Variants in STK3 observed in about 807,000 individuals in gnomAD.
STK3 encodes the protein serine/threonine kinase 3.
In STK3, 41 loss-of-function variants were observed where a neutral mutation model predicts 58.0. The ratio of observed to expected loss-of-function variants is 0.71; its 90% CI spans 0.55 to 0.92. The LOEUF (loss-of-function observed/expected upper bound fraction) is 0.92, where lower values mean the gene tolerates loss of function less well. Ranked by LOEUF, STK3 falls within the 40% of genes least tolerant of loss-of-function variation. The pLI is 0.00. For missense variants in STK3, 479 were observed against 602.7 expected (o/e 0.79, Z 2.15); for synonymous variants, 170 against 191.0 (o/e 0.89, Z 0.91).
chr8:98,389,598 C>G (rs746573704), upstream of STK3, among the ~76,000 whole-genome samples: 38 of 152,038 alleles, frequency 2.5e-4, no homozygotes, highest in Non-Finnish European at 3.5e-4. Flanking sequence ...GGGTGCAGGA[C>G]TGGCTGTCAT....
At chr8:98,933,454 A>T (rs1057303476) in intron 1 of STK3, among the ~76,000 whole-genome samples, 5 of 152,238 alleles carry the variant, frequency 3.3e-5, no homozygotes, top group African/African-American at 1.2e-4. Context: ...TATTTTAAAA[A>T]TTGTTTGGAC....
In STK3 at chr8:98,427,986, G is replaced by C. The variant is rs766499929; in HGVS notation, n.483+6141C>G. The C allele has an allele frequency of 1.8e-5, 28 of 1,540,842 alleles. No homozygotes were observed. The highest frequency in any genetic ancestry group is 5.9e-5 in the Admixed American group (3 of 50,656). On this transcript the variant is annotated intron_variant and non_coding_transcript_variant, in intron 3 of 3. Transcript: ENST00000517832. ...GGCGGCCGGCGCCTCCAGCATGACC[G>C]GCCAGAGCCTGTGGGACGTGTCGGA...
intron 7 of STK3, among the ~76,000 whole-genome samples, chr8:98,590,402 C>A (rs1815191800): frequency 6.6e-6 from 1 of 152,154 alleles, no homozygotes; most frequent in Non-Finnish European, 1.5e-5. Flanking sequence ...TGTCAGTCTT[C>A]AGCCGCTAAG....
intron 10 of STK3, among the ~76,000 whole-genome samples, chr8:98,523,438 G>T (rs891948740): frequency 1.3e-5 from 2 of 148,360 alleles, no homozygotes; most frequent in Non-Finnish European, 3.0e-5. Context: ...GCAATGGCAC[G>T]ATCTCGGCTC....
chr8:98,726,548 T>C (rs1029011635), intron 4 of STK3, among the ~76,000 whole-genome samples: 13 of 152,162 alleles, frequency 8.5e-5, no homozygotes, highest in African/African-American at 2.9e-4. Context: ...TCATACTCAC[T>C]CCATGGGACA....
chr8:98,452,319 T>C (rs1443572523), downstream of STK3, among the ~76,000 whole-genome samples: 1 of 152,238 alleles, frequency 6.6e-6, no homozygotes, highest in Non-Finnish European at 1.5e-5. Flanking sequence ...GTCTGACATA[T>C]AGTAAGTGCC....
chr8:98,624,959 A>C (rs1209099659), intron 6 of STK3, among the ~76,000 whole-genome samples: 2 of 152,214 alleles, frequency 1.3e-5, no homozygotes, highest in East Asian at 3.8e-4. Flanking sequence ...GGAAAACAGG[A>C]GGAAAAATAA....
intron 6 of STK3, among the ~76,000 whole-genome samples, chr8:98,694,673 C>A (rs1038555364): frequency 6.6e-6 from 1 of 152,184 alleles, no homozygotes; most frequent in African/African-American, 2.4e-5. Flanking sequence ...CTACAAAGAA[C>A]ATGAACTCAT....
chr8:98,439,330 T>C (rs1337943605), intron 1 of STK3: 2 of 152,082 alleles, frequency 1.3e-5, no homozygotes, highest in African/African-American at 2.4e-5. Context: ...ACCTGGTACA[T>C]AGCTGCATCA....
chr8:98,879,833 T>C (rs1837728779), downstream of STK3: 1 of 152,226 alleles, frequency 6.6e-6, no homozygotes, highest in Non-Finnish European at 1.5e-5. Flanking sequence ...ATAATTAATA[T>C]ATCATTTTAT....
chr8:98,717,153 A>C (rs939385826), intron 4 of STK3, among the ~76,000 whole-genome samples: 6 of 152,104 alleles, frequency 3.9e-5, no homozygotes, highest in Non-Finnish European at 7.4e-5. Context: ...CACAGAGAAC[A>C]CAAGAATAAA....
At chr8:98,367,335 G>A (rs1350689749), downstream of STK3, among the ~76,000 whole-genome samples, 2 of 152,252 alleles carry the variant, frequency 1.3e-5, no homozygotes, top group Non-Finnish European at 2.9e-5. Context: ...CAGGAGATGA[G>A]TGAGTCAGTG....
At chr8:98,691,914 A>G (rs1312700162) in intron 6 of STK3, among the ~76,000 whole-genome samples, 1 of 149,278 alleles carries the variant, frequency 6.7e-6, no homozygotes, top group Non-Finnish European at 1.5e-5. Flanking sequence ...CCTGGGTGAC[A>G]GAGCAAAACT....
At chr8:98,901,819 C>T (rs1838667938) in intron 1 of STK3, among the ~76,000 whole-genome samples, 1 of 152,206 alleles carries the variant, frequency 6.6e-6, no homozygotes, top group Non-Finnish European at 1.5e-5. Context: ...CTGATCCCTA[C>T]CCAGAAATGT....
intron 8 of STK3, among the ~76,000 whole-genome samples, chr8:98,553,934 G>C (rs1459720514): frequency 6.6e-6 from 1 of 151,386 alleles, no homozygotes; most frequent in Non-Finnish European, 1.5e-5. Context: ...CTGGGAGACA[G>C]AGTGAGACTC....
the STK3 span, among the ~76,000 whole-genome samples, chr8:98,365,684 A>G: frequency 6.9e-6 from 1 of 145,880 alleles, no homozygotes; most frequent in Non-Finnish European, 1.5e-5. Flanking sequence ...CATGTGTCCC[A>G]GTTCATGTCT....
At chr8:98,601,247 A>T (rs1329923876) in intron 6 of STK3, among the ~76,000 whole-genome samples, 2 of 152,114 alleles carry the variant, frequency 1.3e-5, no homozygotes, top group Non-Finnish European at 2.9e-5. Flanking sequence ...TTCATTTGAT[A>T]CCACCCCTTA....
At chr8:98,550,995 C>T (rs1811123455) in intron 8 of STK3, among the ~76,000 whole-genome samples, 1 of 152,100 alleles carries the variant, frequency 6.6e-6, no homozygotes, top group East Asian at 1.9e-4. Flanking sequence ...TTCTATGGAC[C>T]AATCCTATTT....
chr8:98,644,162 CA>C (rs1219063979), intron 6 of STK3, among the ~76,000 whole-genome samples: 1 of 152,140 alleles, frequency 6.6e-6, no homozygotes, highest in Non-Finnish European at 1.5e-5. Flanking sequence ...TATTATTTAG[CA>C]CTACTGAACT....
Sources: allele counts gnomAD v4.1 joint callset (sites outside exome capture counted in the v4.1 genomes callset), GRCh38; gene constraint gnomAD v4.1.1; transcripts MANE v1.5; gene names NCBI Gene and HGNC (gene_info 2026-07-23, HGNC 2026-07-21).